ZNF518A: variants seen among roughly 807,000 people sequenced by gnomAD.
ZNF518A encodes zinc finger protein 518A.
In ZNF518A, 47 loss-of-function variants were observed where a neutral mutation model predicts 102.7. The ratio of observed to expected loss-of-function variants is 0.46; its 90% confidence interval spans 0.36 to 0.58. ZNF518A has a LOEUF of 0.58. Among genes scored for constraint, ZNF518A ranks in the 20% least tolerant of loss-of-function variants. The probability of loss-of-function intolerance (pLI) is 0.00; values close to 1 mark genes in which losing one functional copy is unlikely to be tolerated. For synonymous variants in ZNF518A, 652 were observed against 594.6 expected (o/e 1.10, Z -1.40); for missense variants, 1,793 against 1,699.8 (o/e 1.05, Z -0.96).
At position 96,192,100 on chromosome 10, in the gene ZNF518A, A is replaced by T. The variant is rs782806042; in HGVS notation, n.36-11474A>T. ...AGCAACACTTCCAAAGTACTAGAGGAAGAAAACATAGATGAATTATACTTT... is the reference window on the plus strand; with the variant it reads ...AGCAACACTTCCAAAGTACTAGAGGTAGAAAACATAGATGAATTATACTTT... On this transcript the variant is annotated intron_variant and non_coding_transcript_variant, in intron 1 of 2. Coordinates refer to the ZNF518A transcript ENST00000442635. 1.9e-6 allele frequency: 3 copies of T among 1,613,472 alleles called. No homozygotes were observed. In the South Asian group the frequency reaches 3.3e-5, roughly 18 times the overall value.
At chr10:96,177,977 T>C (rs189064458) in intron 1 of ZNF518A, among the ~76,000 whole-genome samples, 1 of 152,186 alleles carries the variant, frequency 6.6e-6, no homozygotes, top group African/African-American at 2.4e-5. Flanking sequence ...ATACATGAAG[T>C]AAAAGCGACA....
chr10:96,166,211 T>C (rs1385913721), downstream of ZNF518A, among the ~76,000 whole-genome samples: 1 of 152,188 alleles, frequency 6.6e-6, no homozygotes, highest in Non-Finnish European at 1.5e-5. Context: ...GTCAATCACA[T>C]TGTGGGCAAA....
At chr10:96,134,181 CACAAAAA>C (rs2081483398) in intron 3 of ZNF518A, among the ~76,000 whole-genome samples, 2 of 152,216 alleles carry the variant, frequency 1.3e-5, no homozygotes, top group Admixed American at 6.5e-5. Flanking sequence ...TTCCAAAATC[CACAAAAA>C]TCTGAAATCT....
chr10:96,186,424 A>T (rs1170597375), intron 1 of ZNF518A, among the ~76,000 whole-genome samples: 1 of 151,642 alleles, frequency 6.6e-6, no homozygotes, highest in African/African-American at 2.4e-5. Context: ...TTTTTGACGG[A>T]GTCTCTCTCT....
chr10:96,195,765 A>C (rs7908971), intron 1 of ZNF518A, among the ~76,000 whole-genome samples: 12,800 of 152,258 alleles, frequency 0.084, 855 homozygotes, highest in African/African-American at 0.18. Context: ...TGAGCTGTAC[A>C]CTTAAAATGA....
At chr10:96,167,670 C>T (rs1404740692), downstream of ZNF518A, among the ~76,000 whole-genome samples, 2 of 151,916 alleles carry the variant, frequency 1.3e-5, no homozygotes, top group African/African-American at 4.8e-5. Flanking sequence ...AATCAGCAAA[C>T]CTGCAGATTG....
At chr10:96,152,999 C>G (rs1410182012) in intron 3 of ZNF518A, among the ~76,000 whole-genome samples, 2 of 152,162 alleles carry the variant, frequency 1.3e-5, no homozygotes, top group African/African-American at 4.8e-5. Context: ...TGTCTGCAAA[C>G]TAGAGACCCT....
At chr10:96,193,278 A>G (rs1554893923) in intron 1 of ZNF518A, among the ~76,000 whole-genome samples, 1 of 152,238 alleles carries the variant, frequency 6.6e-6, no homozygotes, top group East Asian at 1.9e-4. Flanking sequence ...ATATGTTGCT[A>G]AACCAAATGC....
In ZNF518A at chr10:96,161,331, C is replaced by A. The variant is rs1413718494; in HGVS notation, c.*557C>A. 6.0e-6 allele frequency: 1 copy of A among 166,982 alleles called. No homozygotes were observed. Among genetic ancestry groups the A allele is most frequent in the East Asian group, 1.9e-4 (1 of 5,196 alleles). The allele number at this position is 166,982 out of a possible 1,614,324, so 10.3% of individuals were successfully genotyped here. ...AAGTACATTTAACTCACTACAGTTA[C>A]ACCTCATACAATGCTTGAAGAGTTT... On this transcript the variant is annotated 3_prime_UTR_variant, in exon 6 of 6. Transcript: ENST00000316045.
At chr10:96,175,812 G>T (rs10882737) in intron 1 of ZNF518A, among the ~76,000 whole-genome samples, 2 of 150,500 alleles carry the variant, frequency 1.3e-5, no homozygotes, top group Non-Finnish European at 3.0e-5. Context: ...AATAGCTAGT[G>T]GCTGTCAACC....
At chr10:96,148,400 A>G (rs113653375) in intron 3 of ZNF518A, among the ~76,000 whole-genome samples, 16 of 152,244 alleles carry the variant, frequency 1.1e-4, no homozygotes, top group African/African-American at 3.4e-4. Context: ...AGATCGTGCC[A>G]TTGCACTCCA....
intron 3 of ZNF518A, among the ~76,000 whole-genome samples, chr10:96,145,758 T>C (rs966440262): frequency 1.3e-5 from 2 of 152,232 alleles, no homozygotes; most frequent in African/African-American, 4.8e-5. Context: ...AAAACTCAGT[T>C]GGTTTACCAC....
chr10:96,149,531 A>G (rs1554879722), intron 3 of ZNF518A, among the ~76,000 whole-genome samples: 2 of 152,186 alleles, frequency 1.3e-5, no homozygotes, highest in African/African-American at 2.4e-5. Context: ...CTATAAGTCA[A>G]CCAACTTTCT....
At chr10:96,183,648 T>C (rs191874598) in intron 1 of ZNF518A, among the ~76,000 whole-genome samples, 3 of 152,310 alleles carry the variant, frequency 2.0e-5, no homozygotes, top group African/African-American at 4.8e-5. Context: ...TAATCCTGAG[T>C]TCTAATTTGA....
intron 3 of ZNF518A, among the ~76,000 whole-genome samples, chr10:96,152,816 A>G (rs1422459680): frequency 2.0e-5 from 3 of 152,260 alleles, no homozygotes; most frequent in Non-Finnish European, 4.4e-5. Context: ...AAATTACAGT[A>G]TTAAAATCTC....
downstream of ZNF518A, among the ~76,000 whole-genome samples, chr10:96,164,918 G>A (rs2083112593): frequency 6.6e-6 from 1 of 152,188 alleles, no homozygotes; most frequent in Non-Finnish European, 1.5e-5. Context: ...GGAGTGAAAT[G>A]TTGCCTGCGA....
chr10:96,131,172 G>A (rs1466546289), intron 1 of ZNF518A, among the ~76,000 whole-genome samples: 2 of 152,120 alleles, frequency 1.3e-5, no homozygotes, highest in Non-Finnish European at 2.9e-5. Flanking sequence ...TACAGTTGTC[G>A]CAGTGATAAA....
chr10:96,164,209 A>G (rs1408198080), downstream of ZNF518A, among the ~76,000 whole-genome samples: 3 of 152,252 alleles, frequency 2.0e-5, no homozygotes, highest in Non-Finnish European at 4.4e-5. Context: ...ACAGAATATT[A>G]TATACTAATT....
intron 1 of ZNF518A, among the ~76,000 whole-genome samples, chr10:96,179,884 A>ATT (rs35286562): frequency 0.035 from 4,242 of 120,884 alleles, 220 homozygotes; most frequent in East Asian, 0.17. Context: ...TCTTTCTTTC[A>ATT]TTTTTTTTTT....
Sources: gnomAD v4.1 joint callset for allele counts (sites outside exome capture counted in the v4.1 genomes callset) on GRCh38, gnomAD v4.1.1 for gene constraint, MANE v1.5 for transcripts, NCBI Gene and HGNC (gene_info 2026-07-23, HGNC 2026-07-21) for gene names.